The following AGAP1 variants were observed in gnomAD, a reference collection of about 807,000 sequenced individuals.
AGAP1 encodes the protein ArfGAP with GTPase domain, ankyrin repeat and PH domain 1.
AGAP1 carries 29 observed loss-of-function variants against 105.3 expected under a neutral mutation model. The observed-to-expected ratio is 0.28, with a 90% confidence interval of 0.21 to 0.38. AGAP1 has a LOEUF of 0.38. Among genes scored for constraint, AGAP1 ranks in the 10% least tolerant of loss-of-function variants. The pLI, the probability that AGAP1 is intolerant of heterozygous loss-of-function variation, is 1.00. For missense variants in AGAP1, 998 were observed against 1,165.1 expected (o/e 0.86, Z 2.09); for synonymous variants, 509 against 485.9 (o/e 1.05, Z -0.63).
intron 1 of AGAP1, chr2:235,670,420 G>A: frequency 5.4e-6 from 3 of 559,944 alleles, no homozygotes; most frequent in South Asian, 1.9e-5. Flanking sequence ...AACTGGGGCG[G>A]CTCCGGCCGT....
chr2:235,717,150 C>T (rs961513570), intron 2 of AGAP1, among the ~76,000 whole-genome samples: 2 of 152,254 alleles, frequency 1.3e-5, no homozygotes, highest in South Asian at 2.1e-4. Flanking sequence ...CATGGGTCCT[C>T]GCCACTCTCC....
At chr2:235,997,972 T>A (rs1050188125) in intron 13 of AGAP1, among the ~76,000 whole-genome samples, 4 of 152,194 alleles carry the variant, frequency 2.6e-5, no homozygotes, top group African/African-American at 9.6e-5. Context: ...TAGGTCACTG[T>A]TATCTGCTGT....
chr2:235,549,630 C>A lies in AGAP1; in HGVS notation c.163+54781C>A, dbSNP rs1422677729. Reference sequence around the variant, plus strand: ...CTTTTGTTTCTTTAAAACTCCTTGGCACCATCTAATTTTTTAAAAATGAGC... The same window carrying A: ...CTTTTGTTTCTTTAAAACTCCTTGGAACCATCTAATTTTTTAAAAATGAGC... On this transcript the variant is annotated intron_variant, in intron 1 of 17. Coordinates refer to ENST00000304032, the MANE Select transcript of AGAP1 (RefSeq NM_001037131.3). The surrounding 1 kb of genome is among the most constrained non-coding windows in gnomAD (Gnocchi z 4.2). Among the ~76,000 whole-genome samples, 1 of 152,192 alleles carries A rather than the reference C, an allele frequency of 6.6e-6. No individual in the cohort carries two copies.
In AGAP1 at chr2:235,826,428, C is replaced by CT. The variant is rs72198637; in HGVS notation, c.1050+19106dup. Among the ~76,000 whole-genome samples the CT allele has an allele frequency of 7.0e-3, 1,060 of 151,790 alleles. 6 individuals are homozygous for CT. The highest frequency in any genetic ancestry group is 0.014 in the Middle Eastern group (4 of 290). On this transcript the variant is annotated intron_variant, in intron 9 of 17. Coordinates refer to ENST00000304032, the MANE Select transcript of AGAP1 (RefSeq NM_001037131.3). Reference sequence around the variant, plus strand: ...GTCTCCGTTGCTCCGTTTCACATATCTTTTTTTTTCTTCCCCCACCCCCAC... The same window carrying CT: ...GTCTCCGTTGCTCCGTTTCACATATCTTTTTTTTTTCTTCCCCCACCCCCAC...
At chr2:235,673,106 G>A (rs1320977276) in intron 1 of AGAP1, among the ~76,000 whole-genome samples, 1 of 152,154 alleles carries the variant, frequency 6.6e-6, no homozygotes, top group East Asian at 1.9e-4. Context: ...CTTTCACCTG[G>A]ATAAATTCTT....
Position 236,003,122 on chromosome 2 carries a change from G to A in AGAP1, c.1646-33439G>A, listed in dbSNP as rs1199031313. Among the ~76,000 whole-genome samples the A allele has an allele frequency of 2.6e-5, 4 of 152,314 alleles. No individual in the cohort carries two copies. Among genetic ancestry groups the A allele is most frequent in the East Asian group, 1.9e-4 (1 of 5,186 alleles). On this transcript the variant is annotated intron_variant, in intron 13 of 17. Transcript: ENST00000304032. The surrounding 1 kb of genome is among the most constrained non-coding windows in gnomAD (Gnocchi z 4.2). ...CAGTGGCACGGTCTCAGCTCTTACT[G>A]CAGCCTCTGCCTCCCAGGTTCAAGC...
At chr2:235,565,922 A>T (rs1196960027) in intron 1 of AGAP1, among the ~76,000 whole-genome samples, 1 of 152,164 alleles carries the variant, frequency 6.6e-6, no homozygotes, top group Non-Finnish European at 1.5e-5. Flanking sequence ...GAAACTGTTA[A>T]AGAATGTTTT....
chr2:235,749,010 C>G (rs1294674247), intron 5 of AGAP1, among the ~76,000 whole-genome samples: 1 of 152,114 alleles, frequency 6.6e-6, no homozygotes, highest in African/African-American at 2.4e-5. Context: ...GGAGTTGAGA[C>G]CAGCCTGGCC....
In AGAP1 at chr2:235,732,122, G is replaced by A. The variant is rs1042363618; in HGVS notation, c.311-8841G>A. ...GATCTGCGGATTCAGATCTTTCTGC[G>A]TCTCAGGAACATTCCTTTGTCTTTT... On this transcript the variant is annotated intron_variant, in intron 3 of 17. Coordinates refer to ENST00000304032, the MANE Select transcript of AGAP1 (RefSeq NM_001037131.3). This position sits in a 1 kb window ranked among gnomAD's most constrained non-coding sequence, Gnocchi z 4.8. Among the ~76,000 whole-genome samples the A allele has an allele frequency of 7.9e-5, 12 of 152,138 alleles. No individual in the cohort carries two copies. Among genetic ancestry groups the A allele is most frequent in the African/African-American group, 1.9e-4 (8 of 41,428 alleles).
chr2:235,585,460 T>G (rs1270437888), intron 1 of AGAP1, among the ~76,000 whole-genome samples: 1 of 152,152 alleles, frequency 6.6e-6, no homozygotes, highest in Non-Finnish European at 1.5e-5. Context: ...TTTCACCTCT[T>G]CACATGCACA....
At chr2:235,697,093 A>T (rs1950033925) in intron 1 of AGAP1, among the ~76,000 whole-genome samples, 1 of 152,218 alleles carries the variant, frequency 6.6e-6, no homozygotes, top group South Asian at 2.1e-4. Flanking sequence ...CATTAACCTG[A>T]GAGAAGCTGG....
intron 1 of AGAP1, among the ~76,000 whole-genome samples, chr2:235,698,910 G>A (rs1266817586): frequency 3.3e-5 from 5 of 152,338 alleles, no homozygotes; most frequent in Admixed American, 6.5e-5. Flanking sequence ...CATGTAGTCA[G>A]CATGTGAAAA....
Position 235,614,955 on chromosome 2 carries a change from GTCCAAGTAAACT to G in AGAP1, c.164-94221_164-94210del, listed in dbSNP as rs1401539676. ...TGGGGCCGACTTGAAAATAGTCAAAGTCCAAGTAAACTTCTGCCTGTGTGTGGTGCGCTCAAA... is the reference window on the plus strand; with the variant it reads ...TGGGGCCGACTTGAAAATAGTCAAAGTCTGCCTGTGTGTGGTGCGCTCAAA... On this transcript the variant is annotated intron_variant, in intron 1 of 17. Coordinates refer to ENST00000304032, the MANE Select transcript of AGAP1 (RefSeq NM_001037131.3). The surrounding 1 kb of genome is among the most constrained non-coding windows in gnomAD (Gnocchi z 4.7). Among the ~76,000 whole-genome samples, 1 of 152,210 alleles carries G rather than the reference GTCCAAGTAAACT, an allele frequency of 6.6e-6. No homozygotes were observed. Among genetic ancestry groups the G allele is most frequent in the Non-Finnish European group, 1.5e-5 (1 of 68,044 alleles).
chr2:236,075,253 T>G (rs1208472571), intron 16 of AGAP1, among the ~76,000 whole-genome samples: 1 of 149,396 alleles, frequency 6.7e-6, no homozygotes, highest in Non-Finnish European at 1.5e-5. Flanking sequence ...GCGCGCTGGG[T>G]TTTTTTTACT....
At chr2:235,522,275 G>A (rs1242564731) in intron 1 of AGAP1, among the ~76,000 whole-genome samples, 1 of 152,170 alleles carries the variant, frequency 6.6e-6, no homozygotes, top group Non-Finnish European at 1.5e-5. Context: ...CGTCGGTTGA[G>A]GATTTGAATA....
chr2:236,117,875 G>C (rs1439366720), intron 16 of AGAP1, among the ~76,000 whole-genome samples: 1 of 152,108 alleles, frequency 6.6e-6, no homozygotes, highest in African/African-American at 2.4e-5. Context: ...TTTTGTGCTT[G>C]TGTTTTTGCC....
intron 10 of AGAP1, among the ~76,000 whole-genome samples, chr2:235,899,541 G>A (rs568484523): frequency 3.3e-5 from 5 of 152,276 alleles, no homozygotes; most frequent in South Asian, 2.1e-4. Flanking sequence ...GTTTGTTTTA[G>A]CGCTGCACAT....
intron 9 of AGAP1, among the ~76,000 whole-genome samples, chr2:235,854,621 G>C (rs1441543363): frequency 6.6e-6 from 1 of 152,230 alleles, no homozygotes; most frequent in Non-Finnish European, 1.5e-5. Flanking sequence ...CTTGGAGCCT[G>C]GGGCTGCCGC....
At chr2:236,098,867 G>C (rs1317630108) in intron 16 of AGAP1, among the ~76,000 whole-genome samples, 5 of 151,470 alleles carry the variant, frequency 3.3e-5, no homozygotes, top group African/African-American at 9.7e-5. Context: ...GAGTGATCTT[G>C]CCGTCTTAGC....
Sources: gnomAD v4.1 joint callset for allele counts (sites outside exome capture counted in the v4.1 genomes callset) on GRCh38, gnomAD v4.1.1 for gene constraint, Gnocchi (gnomAD v3.1) non-coding constraint, MANE v1.5 for transcripts, NCBI Gene and HGNC (gene_info 2026-07-23, HGNC 2026-07-21) for gene names.